GATA4: variants seen among roughly 807,000 people sequenced by gnomAD.
GATA4 encodes the protein transcription factor GATA-4.
GATA4 carries 7 observed loss-of-function variants against 37.9 expected under a neutral mutation model. The ratio of observed to expected loss-of-function variants is 0.18; its 90% CI spans 0.11 to 0.35. The LOEUF (loss-of-function observed/expected upper bound fraction) is 0.35. Among genes scored for constraint, GATA4 ranks in the 10% least tolerant of loss-of-function variants. The probability of loss-of-function intolerance (pLI) is 1.00; values close to 1 mark genes in which losing one functional copy is unlikely to be tolerated. For synonymous variants in GATA4, 372 were observed against 292.6 expected, an observed-to-expected ratio of 1.27 and a Z score of -2.77; for missense variants, 647 against 653.0, an observed-to-expected ratio of 0.99 and a Z score of 0.10.
chr8:11,693,171 A>C lies in GATA4; in HGVS notation c.-729+511A>C, dbSNP rs1436769148. On this transcript the variant is annotated intron_variant, in intron 1 of 2. Transcript: ENST00000526974. ...CCTAAAGAGCTGTAAGGAAGCTTAGAAATGATTCGGCAAGCTGGGCGCGGT... is the reference window on the plus strand; with the variant it reads ...CCTAAAGAGCTGTAAGGAAGCTTAGCAATGATTCGGCAAGCTGGGCGCGGT... 3 of 824,284 alleles carry C rather than the reference A, an allele frequency of 3.6e-6. No homozygotes were observed. In the African/African-American group the frequency reaches 5.5e-5, roughly 15 times the overall value. The allele number at this position is 824,284 out of a possible 1,614,324, so 51.1% of individuals were successfully genotyped here. A position where few individuals can be genotyped will look rare whatever the true frequency, so the allele number is the denominator to read the frequency against.
chr8:11,737,717 T>A (rs569916420), intron 2 of GATA4, among the ~76,000 whole-genome samples: 64 of 152,262 alleles, frequency 4.2e-4, no homozygotes, highest in African/African-American at 1.5e-3. Context: ...TGGGTTCCAT[T>A]TTCCCATTAG....
Position 11,750,152 on chromosome 8 carries a change from GACC to G in GATA4, c.840_842del (p.Thr281del), listed in dbSNP as rs1289110520. 1 of 1,613,954 alleles carries G rather than the reference GACC, an allele frequency of 6.2e-7. No individual in the cohort carries two copies. On this transcript the variant is annotated inframe_deletion, in exon 4 of 7. Transcript: ENST00000532059. ...TGGGCCTCTCCTGTGCCAACTGCCA[GACC>G]ACCACCACCACGCTGTGGCGCCGCA...
Position 11,757,029 on chromosome 8 carries a change from C to A in GATA4, c.1095C>A (p.Ile365=), listed in dbSNP as rs1554498776. ...TTSSSEEMRP[I]KTEPGLSSHY... is the part of the protein sequence containing the mutation. ...GCAGCAGCGAGGAGATGCGTCCCATCAAGACGGAGCCTGGCCTGTCATCTC... is the reference window on the plus strand; with the variant it reads ...GCAGCAGCGAGGAGATGCGTCCCATAAAGACGGAGCCTGGCCTGTCATCTC... Residue 365 remains isoleucine, a synonymous_variant, in exon 6 of 7, where the codon ATC becomes ATA. Coordinates refer to ENST00000532059, the MANE Select transcript of GATA4 (RefSeq NM_001308093.3). 19 of 1,614,122 alleles carry A rather than the reference C, an allele frequency of 1.2e-5. No individual in the cohort carries two copies. Among genetic ancestry groups the A allele is most frequent in the Non-Finnish European group, 1.6e-5 (19 of 1,180,058 alleles).
At position 11,749,185 on chromosome 8, in the gene GATA4, C is replaced by T. The variant is rs1306139429; in HGVS notation, c.786+100C>T. 11 of 1,208,680 alleles carry T rather than the reference C, an allele frequency of 9.1e-6. No individual in the cohort carries two copies. The highest frequency in any genetic ancestry group is 2.0e-5 in the Admixed American group (1 of 50,936). The allele number at this position is 1,208,680 out of a possible 1,614,324, so 74.9% of individuals were successfully genotyped here. A position where few individuals can be genotyped will look rare whatever the true frequency, so the allele number is the denominator to read the frequency against. On this transcript the variant is annotated intron_variant, in intron 3 of 6. Coordinates refer to ENST00000532059, the MANE Select transcript of GATA4 (RefSeq NM_001308093.3). This position sits in a 1 kb window ranked among gnomAD's most constrained non-coding sequence, Gnocchi z 4.6. Reference sequence around the variant, plus strand: ...TTGAATTTTGGAACTTGAGGGTGTGCATCGGGGATTACGTGGGTGAGAGCC... The same window carrying T: ...TTGAATTTTGGAACTTGAGGGTGTGTATCGGGGATTACGTGGGTGAGAGCC...
At chr8:11,725,478 G>C (rs912789267) in intron 2 of GATA4, among the ~76,000 whole-genome samples, 1 of 152,248 alleles carries the variant, frequency 6.6e-6, no homozygotes, top group Non-Finnish European at 1.5e-5. Context: ...GGATGCCACT[G>C]CCAGGGAGGG....
At chr8:11,732,494 CAGA>C (rs1251008255) in intron 2 of GATA4, among the ~76,000 whole-genome samples, 2 of 152,098 alleles carry the variant, frequency 1.3e-5, no homozygotes, top group Admixed American at 6.5e-5. Context: ...CAAAACAAAA[CAGA>C]AGGAGAGAGG....
chr8:11,695,064 T>A (rs960680998), intron 1 of GATA4, among the ~76,000 whole-genome samples: 1 of 152,222 alleles, frequency 6.6e-6, no homozygotes. Flanking sequence ...CCCATCCATG[T>A]GAACATCGTG....
chr8:11,705,061 G>T (rs945393497), intron 1 of GATA4, among the ~76,000 whole-genome samples: 3 of 152,256 alleles, frequency 2.0e-5, no homozygotes, highest in African/African-American at 7.2e-5. Context: ...GTCACCGTGG[G>T]CAGAGGGGGG....
chr8:11,708,055 C>T lies in GATA4; in HGVS notation c.-258C>T. 1 of 557,478 alleles carries T rather than the reference C, an allele frequency of 1.8e-6. No individual in the cohort carries two copies. Among genetic ancestry groups the T allele is most frequent in the East Asian group, 3.3e-5 (1 of 30,196 alleles). 34.5% of individuals were successfully genotyped at this position (557,478 alleles called of 1,614,324 possible). Reference sequence around the variant, plus strand: ...AGGCCCTGGGGTGAATTCAGCTGCTCCTACATCAGCTTCCGGAACCACCAA... The same window carrying T: ...AGGCCCTGGGGTGAATTCAGCTGCTTCTACATCAGCTTCCGGAACCACCAA... On this transcript the variant is annotated 5_prime_UTR_variant, in exon 2 of 7. Coordinates refer to ENST00000532059, the MANE Select transcript of GATA4 (RefSeq NM_001308093.3). This position sits in a 1 kb window ranked among gnomAD's most constrained non-coding sequence, Gnocchi z 6.7.
chr8:11,705,731 C>T (rs564799104), intron 1 of GATA4, among the ~76,000 whole-genome samples: 30 of 152,324 alleles, frequency 2.0e-4, no homozygotes, highest in African/African-American at 7.2e-4. Context: ...TCTCCACCTT[C>T]TGTTGTTCTA....
upstream of GATA4, among the ~76,000 whole-genome samples, chr8:11,703,888 GA>G (rs969574448): frequency 6.6e-6 from 1 of 152,222 alleles, no homozygotes; most frequent in African/African-American, 2.4e-5. Context: ...AGGACCACAG[GA>G]AGGGGGGGCG....
Position 11,749,045 on chromosome 8 carries a change from A to G in GATA4, c.746A>G (p.Asn249Ser), listed in dbSNP as rs749360829. The G allele has an allele frequency of 1.9e-6, 3 of 1,614,204 alleles. No homozygotes were observed. The highest frequency in any genetic ancestry group is 2.5e-6 in the Non-Finnish European group (3 of 1,180,046). ...GCCTGCGGCCTCTACCACAAGATGA[A>G]CGGCATCAACCGGCCGCTCATCAAG... ...CNACGLYHKM[N>S]GINRPLIKPQ... Residue 249 changes from asparagine to serine, a missense_variant, in exon 3 of 7, where the codon AAC becomes AGC. Physicochemically the swap from Asn to Ser is conservative, Grantham distance 46. Around this residue, in one of 5 missense-constraint regions of GATA4, gnomAD observed 56 missense variants for 64.5 expected, o/e 0.87. Coordinates refer to ENST00000532059, the MANE Select transcript of GATA4 (RefSeq NM_001308093.3). The surrounding 1 kb of genome is among the most constrained non-coding windows in gnomAD (Gnocchi z 4.6).
chr8:11,711,747 C>CAA (rs71205018), intron 2 of GATA4, among the ~76,000 whole-genome samples: 18 of 56,842 alleles, frequency 3.2e-4, no homozygotes, highest in Non-Finnish European at 5.8e-4. Flanking sequence ...GACCCTCTCT[C>CAA]AAAAAAAAAA....
At chr8:11,702,450 G>T (rs907041867), upstream of GATA4, among the ~76,000 whole-genome samples, 1 of 151,750 alleles carries the variant, frequency 6.6e-6, no homozygotes, top group Non-Finnish European at 1.5e-5. The surrounding 1 kb of genome is among the most constrained non-coding windows in gnomAD (Gnocchi z 4.4). Context: ...GCAGGCCTTG[G>T]CTTCGCGCCT....
chr8:11,758,026 C>T (rs563397991), intron 6 of GATA4, among the ~76,000 whole-genome samples: 1 of 152,192 alleles, frequency 6.6e-6, no homozygotes, highest in Non-Finnish European at 1.5e-5. Flanking sequence ...ACCATCAGAG[C>T]CTTCTGGGCA....
intron 4 of GATA4, among the ~76,000 whole-genome samples, chr8:11,752,544 C>A (rs753483981): frequency 2.0e-5 from 3 of 152,186 alleles, no homozygotes; most frequent in Non-Finnish European, 4.4e-5. Context: ...CAGTTATCTC[C>A]CATCAGGTCG....
At chr8:11,682,087 C>A (rs1325224856) in intron 1 of GATA4, among the ~76,000 whole-genome samples, 1 of 152,192 alleles carries the variant, frequency 6.6e-6, no homozygotes, top group Non-Finnish European at 1.5e-5. Context: ...ATTTTATTTG[C>A]CTTTAATAAA....
At position 11,708,745 on chromosome 8, in the gene GATA4, G is replaced by A; in HGVS notation, c.433G>A (p.Gly145Ser). The change falls in exon 2 of 7, where the codon GGC becomes AGC. Residue 145 changes from glycine (G) to serine (S), a missense_variant. By Grantham distance (56) the Gly-to-Ser change is moderately conservative. Around this residue, in one of 5 missense-constraint regions of GATA4, gnomAD observed 379 missense variants for 334.5 expected, o/e 1.13. Coordinates refer to ENST00000532059, the MANE Select transcript of GATA4 (RefSeq NM_001308093.3). The surrounding 1 kb of genome is among the most constrained non-coding windows in gnomAD (Gnocchi z 6.7). ...GGGAAGAGLA[G>S]REQYGRAGFA... ...CGGAGCGGCGGGTGCGGGCCTGGCG[G>A]GCCGCGAGCAGTACGGGCGCGCCGG... The A allele has an allele frequency of 1.5e-6, 2 of 1,334,802 alleles. No individual in the cohort carries two copies. The highest frequency in any genetic ancestry group is 1.9e-6 in the Non-Finnish European group (2 of 1,049,970). 82.7% of individuals were successfully genotyped at this position (1,334,802 alleles called of 1,614,324 possible).
intron 6 of GATA4, 75 bp downstream of exon 6, chr8:11,757,158 C>T (rs1802627597): frequency 6.3e-7 from 1 of 1,581,448 alleles, no homozygotes; most frequent in Non-Finnish European, 8.6e-7. Context: ...CAGCCTAGTA[C>T]TGGGTGGGAC....
Sources: allele counts gnomAD v4.1 joint callset (sites outside exome capture counted in the v4.1 genomes callset), GRCh38; gene constraint gnomAD v4.1.1; regional missense constraint gnomAD v4.1.1; non-coding constraint Gnocchi (gnomAD v3.1); transcripts MANE v1.5; gene names NCBI Gene and HGNC (gene_info 2026-07-23, HGNC 2026-07-21).